The following PCBP2 variants were observed in gnomAD, a reference collection of about 807,000 sequenced individuals.
The protein encoded by PCBP2 is poly(rC) binding protein 2.
A neutral mutation model predicts 50.1 loss-of-function variants in PCBP2; 4 were observed. The ratio of observed to expected loss-of-function variants is 0.08; its 90% CI spans 0.04 to 0.18. PCBP2 has a LOEUF of 0.18. Ranked by LOEUF, PCBP2 falls within the 10% of genes least tolerant of loss-of-function variation. PCBP2 has a pLI of 1.00. For synonymous variants in PCBP2, 179 were observed against 168.0 expected, an observed-to-expected ratio of 1.07 and a Z score of -0.51; for missense variants, 161 against 474.3, an observed-to-expected ratio of 0.34 and a Z score of 6.14.
At chr12:53,454,658 G>T in intron 1 of PCBP2, 68 bp from the exon 2 acceptor site, 1 of 662,936 alleles carries the variant, frequency 1.5e-6, no homozygotes, top group East Asian at 2.7e-5. Flanking sequence ...TTGATAAGGT[G>T]AAAATAACTT....
At chr12:53,455,840 G>T (rs193291866) in intron 4 of PCBP2, 45 bp from the exon 5 acceptor site, 1 of 1,302,376 alleles carries the variant, frequency 7.7e-7, no homozygotes, top group South Asian at 1.2e-5. Flanking sequence ...TACATACTCA[G>T]ATCTTCTTTG....
intron 2 of PCBP2, 146 bp downstream of exon 2, chr12:53,455,015 G>GT (rs751783317): frequency 5.9e-5 from 44 of 748,120 alleles, no homozygotes; most frequent in Non-Finnish European, 8.8e-5. Flanking sequence ...AGTGAGTGTA[G>GT]TGGGAAAATG....
At chr12:53,472,009 G>GC (rs1023757519) in intron 14 of PCBP2, among the ~76,000 whole-genome samples, 8 of 149,610 alleles carry the variant, frequency 5.3e-5, no homozygotes, top group South Asian at 2.2e-4. Context: ...GTTGGTGGGG[G>GC]GGGGAGCACA....
At position 53,463,125 on chromosome 12, in the gene PCBP2, G is replaced by A. The variant is rs1367029161; in HGVS notation, c.579+558G>A. ...ATAACTGAAATCAGCTGGGGTAAGA[G>A]TTCAGTGTGCAAGAATAGAAGGGGG... On this transcript the variant is annotated intron_variant, in intron 8 of 14. Coordinates refer to ENST00000546463, the MANE Select transcript of PCBP2 (RefSeq NM_031989.5). Among the ~76,000 whole-genome samples, 3 of 152,214 alleles carry A rather than the reference G, an allele frequency of 2.0e-5. No individual in the cohort carries two copies. The East Asian group carries it at 5.8e-4, about 29-fold the overall frequency.
intron 2 of PCBP2, 29 bp downstream of exon 2, chr12:53,454,898 T>C: frequency 1.3e-6 from 2 of 1,574,772 alleles, no homozygotes; most frequent in Non-Finnish European, 1.7e-6. Context: ...AATGGGGTCA[T>C]AGTAACTGCT....
chr12:53,459,653 A>G (rs1003163430), intron 6 of PCBP2: 7 of 272,204 alleles, frequency 2.6e-5, no homozygotes, highest in East Asian at 8.7e-5. Flanking sequence ...ACAAGTTTCT[A>G]TTTTTTTTTG....
chr12:53,470,221 T>C (rs1041942883), intron 13 of PCBP2, among the ~76,000 whole-genome samples: 2 of 151,494 alleles, frequency 1.3e-5, no homozygotes, highest in African/African-American at 4.8e-5. Flanking sequence ...CTACTAAAAA[T>C]ACAAAAATTA....
intron 12 of PCBP2, chr12:53,468,534 G>A: frequency 1.9e-6 from 1 of 527,850 alleles, no homozygotes. Flanking sequence ...TCCCTAATAG[G>A]CTGGGCTTTG....
intron 14 of PCBP2, among the ~76,000 whole-genome samples, chr12:53,478,664 A>AGCG (rs1942829747): frequency 6.6e-6 from 1 of 151,622 alleles, no homozygotes; most frequent in African/African-American, 2.4e-5. Context: ...AGTAGCTGGG[A>AGCG]GTGGTGGTGG....
At chr12:53,463,202 C>G (rs1356011355) in intron 8 of PCBP2, among the ~76,000 whole-genome samples, 2 of 152,110 alleles carry the variant, frequency 1.3e-5, no homozygotes, top group Non-Finnish European at 2.9e-5. Flanking sequence ...AGTAAGAACA[C>G]CAAAGCACCA....
intron 8 of PCBP2, 122 bp from the exon 9 acceptor site, chr12:53,464,638 T>A (rs576226164): frequency 7.4e-7 from 1 of 1,349,272 alleles, no homozygotes; most frequent in South Asian, 1.4e-5. Flanking sequence ...TCAAATTGTG[T>A]CTGAGCTCCT....
chr12:53,456,975 T>G (rs1003407524), intron 5 of PCBP2, among the ~76,000 whole-genome samples: 12 of 152,244 alleles, frequency 7.9e-5, no homozygotes, highest in Non-Finnish European at 1.5e-4. Context: ...AGTCCAGAAC[T>G]CATGGCTTAG....
At chr12:53,478,601 T>G (rs71455249) in intron 14 of PCBP2, among the ~76,000 whole-genome samples, 10,364 of 152,166 alleles carry the variant, frequency 0.068, 503 homozygotes, top group Non-Finnish European at 0.11. Context: ...GTCAGGAGTT[T>G]AAGACCTGCC....
In PCBP2 at chr12:53,462,358, C is replaced by G. The variant is rs116989084; in HGVS notation, c.505-135C>G. 9.9e-4 allele frequency: 606 copies of G among 614,472 alleles called. 7 individuals carry two copies. The East Asian group carries it at 0.014, about 15-fold the overall frequency. 38.1% of individuals were successfully genotyped at this position (614,472 alleles called of 1,614,324 possible). A position where few individuals can be genotyped will look rare whatever the true frequency, so the allele number is the denominator to read the frequency against. On this transcript the variant is annotated intron_variant, in intron 7 of 14. Coordinates refer to ENST00000546463, the MANE Select transcript of PCBP2 (RefSeq NM_031989.5). ...GTAGATAAATTGAGATTAGATCTAG[C>G]CAGAGACAATTTGGTAGGTAAGGGG...
intron 14 of PCBP2, among the ~76,000 whole-genome samples, chr12:53,472,008 G>T (rs187273058): frequency 5.3e-5 from 8 of 149,708 alleles, no homozygotes; most frequent in South Asian, 2.2e-4. Flanking sequence ...GGTTGGTGGG[G>T]GGGGGAGCAC....
rs765575354 is a variant in PCBP2, at chr12:53,471,715, T to C, written c.960T>C (p.Ile320=). Residue 320 remains isoleucine, a synonymous_variant, in exon 14 of 15, where the codon ATT becomes ATC. Transcript: ENST00000546463. ...AGATGTCTGGGGCGCAGATCAAAAT[T>C]GCGAACCCAGTGGAAGGATCTACTG... ...IRQMSGAQIK[I]ANPVEGSTDR... is the part of the protein sequence containing the mutation. The C allele has an allele frequency of 8.1e-6, 13 of 1,613,960 alleles. No homozygotes were observed. Among genetic ancestry groups the C allele is most frequent in the Non-Finnish European group, 1.1e-5 (13 of 1,180,010 alleles).
At chr12:53,463,449 G>A (rs1180602713) in intron 8 of PCBP2, among the ~76,000 whole-genome samples, 2 of 152,130 alleles carry the variant, frequency 1.3e-5, no homozygotes, top group African/African-American at 4.8e-5. Context: ...GGTTGTATCT[G>A]TACTGAACAT....
chr12:53,456,131 C>G (rs1032495588), intron 5 of PCBP2, 130 bp downstream of exon 5: 23 of 663,610 alleles, frequency 3.5e-5, no homozygotes, highest in Non-Finnish European at 5.6e-5. Context: ...TCCTTAGCTT[C>G]CTGTAGCCTC....
In PCBP2 at chr12:53,455,872, G is replaced by A. The variant is rs999653624; in HGVS notation, c.127-13G>A. On this transcript the variant is annotated splice_polypyrimidine_tract_variant and intron_variant, in intron 4 of 14. Coordinates refer to ENST00000546463, the MANE Select transcript of PCBP2 (RefSeq NM_031989.5). ...TTTGTTTTAACTTCTTTTGGATCTT[G>A]TTTCCTATCTAGAGTGGTGCACGTA... 10 of 1,546,780 alleles carry A rather than the reference G, an allele frequency of 6.5e-6. No homozygotes were observed. In the Middle Eastern group the frequency reaches 6.7e-4, roughly 104 times the overall value.
Sources: allele counts gnomAD v4.1 joint callset (sites outside exome capture counted in the v4.1 genomes callset), GRCh38; gene constraint gnomAD v4.1.1; transcripts MANE v1.5; gene names NCBI Gene and HGNC (gene_info 2026-07-23, HGNC 2026-07-21).